Variants in MRRF observed in about 807,000 individuals in gnomAD.
MRRF encodes ribosome-recycling factor, mitochondrial.
A neutral mutation model predicts 25.1 loss-of-function variants in MRRF; 18 were observed. The observed-to-expected ratio is 0.72, with a 90% CI of 0.50 to 1.06. The LOEUF (loss-of-function observed/expected upper bound fraction) is 1.06. MRRF is among the 50% of genes least tolerant of loss of function. The pLI, the probability that MRRF is intolerant of heterozygous loss-of-function variation, is 0.00. For missense variants in MRRF, 323 were observed against 319.3 expected (o/e 1.01, Z -0.09); for synonymous variants, 113 against 112.1 (o/e 1.01, Z -0.05).
Position 122,322,877 on chromosome 9 carries a change from TTGA to T in MRRF, c.*263_*265del. On this transcript the variant is annotated 3_prime_UTR_variant, in exon 7 of 7. Coordinates refer to ENST00000344641, the MANE Select transcript of MRRF (RefSeq NM_138777.5). ...CCTGTACTCAGGCATTTGCTTTGAC[TTGA>T]TGTTGCCAAGGGACTGAGGCCATTG... is the stretch of plus-strand genomic sequence containing the variant. 1 of 562,834 alleles carries T rather than the reference TTGA, an allele frequency of 1.8e-6. No individual in the cohort carries two copies. Among genetic ancestry groups the T allele is most frequent in the South Asian group, 2.0e-5 (1 of 50,318 alleles). The allele number at this position is 562,834 out of a possible 1,614,324, so 34.9% of individuals were successfully genotyped here.
Position 122,323,727 on chromosome 9 carries a change from C to T in MRRF, c.*1110C>T, listed in dbSNP as rs1836019265. ...TTCTAGGCATTATTTATAATCTTGA[C>T]AGTAAACTTAAGAGATGTGTATTAT... On this transcript the variant is annotated 3_prime_UTR_variant, in exon 7 of 7. Transcript: ENST00000344641. 6.6e-6 allele frequency: 1 copy of T among 152,126 alleles called. No homozygotes were observed. The highest frequency in any genetic ancestry group is 2.4e-5 in the African/African-American group (1 of 41,414). The allele number at this position is 152,126 out of a possible 1,614,324, so 9.4% of individuals were successfully genotyped here. A position where few individuals can be genotyped will look rare whatever the true frequency, so the allele number is the denominator to read the frequency against.
chr9:122,296,349 AAT>A (rs2118843622), intron 5 of MRRF, among the ~76,000 whole-genome samples: 1 of 152,260 alleles, frequency 6.6e-6, no homozygotes, highest in African/African-American at 2.4e-5. Flanking sequence ...CTATTTTTCC[AAT>A]TCATGTAATT....
At chr9:122,318,605 T>C (rs2047200578) in intron 6 of MRRF, among the ~76,000 whole-genome samples, 1 of 152,250 alleles carries the variant, frequency 6.6e-6, no homozygotes, top group African/African-American at 2.4e-5. Context: ...GTGTACTCTG[T>C]GCTCCTGCCA....
chr9:122,266,997 GA>G (rs1832141570), intron 1 of MRRF, among the ~76,000 whole-genome samples: 1 of 151,598 alleles, frequency 6.6e-6, no homozygotes, highest in African/African-American at 2.4e-5. Flanking sequence ...TTGAACCCTG[GA>G]GGCGGAGGTT....
At position 122,326,484 on chromosome 9, in the gene MRRF, A is replaced by G. The variant is rs1251521185; in HGVS notation, c.*3867A>G. 1 of 152,070 alleles carries G rather than the reference A, an allele frequency of 6.6e-6. No individual in the cohort carries two copies. Among genetic ancestry groups the G allele is most frequent in the Non-Finnish European group, 1.5e-5 (1 of 68,014 alleles). The allele number at this position is 152,070 out of a possible 1,614,324, so 9.4% of individuals were successfully genotyped here. ...TGCTTTTTTTTCTTACCCTGTAACAATCATGGTCATCTGTCCATGTGTGTA... is the reference window on the plus strand; with the variant it reads ...TGCTTTTTTTTCTTACCCTGTAACAGTCATGGTCATCTGTCCATGTGTGTA... On this transcript the variant is annotated 3_prime_UTR_variant, in exon 7 of 7. Transcript: ENST00000344641.
At chr9:122,316,807 T>A (rs917252399) in intron 6 of MRRF, among the ~76,000 whole-genome samples, 9 of 151,352 alleles carry the variant, frequency 5.9e-5, no homozygotes, top group African/African-American at 2.2e-4. Context: ...GAATATTTCT[T>A]TTTTCCTTTT....
intron 6 of MRRF, among the ~76,000 whole-genome samples, chr9:122,318,628 G>C (rs1270659780): frequency 6.6e-6 from 1 of 152,198 alleles, no homozygotes; most frequent in Non-Finnish European, 1.5e-5. Context: ...CCCCTTCTCT[G>C]TCCCTGCCTT....
intron 5 of MRRF, among the ~76,000 whole-genome samples, chr9:122,310,605 G>A (rs990136654): frequency 9.8e-5 from 15 of 152,304 alleles, no homozygotes; most frequent in African/African-American, 3.6e-4. Flanking sequence ...CTCTTTCTAC[G>A]TAGTGGCTGA....
chr9:122,298,792 T>C (rs1292411584), intron 5 of MRRF, among the ~76,000 whole-genome samples: 1 of 152,104 alleles, frequency 6.6e-6, no homozygotes, highest in Non-Finnish European at 1.5e-5. Context: ...CACATATAGT[T>C]TGTATGTGTC....
At chr9:122,266,927 G>C (rs1832134978) in intron 1 of MRRF, among the ~76,000 whole-genome samples, 1 of 151,990 alleles carries the variant, frequency 6.6e-6, no homozygotes. Flanking sequence ...AAAATTAGCT[G>C]GGTGTGGTGG....
At chr9:122,294,324 G>T (rs1225647290) in intron 5 of MRRF, among the ~76,000 whole-genome samples, 2 of 152,206 alleles carry the variant, frequency 1.3e-5, no homozygotes, top group Non-Finnish European at 2.9e-5. Flanking sequence ...CATTTCTGCA[G>T]CCCCGCAAGA....
chr9:122,298,761 G>A (rs528059739), intron 5 of MRRF, among the ~76,000 whole-genome samples: 6 of 152,254 alleles, frequency 3.9e-5, no homozygotes, highest in African/African-American at 1.4e-4. Context: ...AACATTTACT[G>A]GGGAGATGGT....
chr9:122,300,119 A>T (rs892463125), intron 5 of MRRF, among the ~76,000 whole-genome samples: 1 of 152,140 alleles, frequency 6.6e-6, no homozygotes, highest in African/African-American at 2.4e-5. Flanking sequence ...AGCCAGGCTG[A>T]TGGGGCGTTC....
intron 4 of MRRF, among the ~76,000 whole-genome samples, chr9:122,289,873 C>A (rs1050272652): frequency 1.3e-5 from 2 of 151,494 alleles, no homozygotes; most frequent in Non-Finnish European, 2.9e-5. Context: ...ATAAAAAATA[C>A]AAAAATTAGC....
chr9:122,305,896 A>G (rs1834811087), intron 5 of MRRF, among the ~76,000 whole-genome samples: 1 of 152,204 alleles, frequency 6.6e-6, no homozygotes, highest in African/African-American at 2.4e-5. Context: ...GCAATAATGT[A>G]ATCATTGTTT....
chr9:122,282,988 TG>T (rs767117943), intron 3 of MRRF, among the ~76,000 whole-genome samples: 1 of 152,158 alleles, frequency 6.6e-6, no homozygotes, highest in Non-Finnish European at 1.5e-5. Context: ...AAACACAGAA[TG>T]TCAAGAAGTA....
intron 4 of MRRF, chr9:122,285,788 G>A (rs985814938): frequency 2.4e-6 from 3 of 1,274,950 alleles, no homozygotes; most frequent in Admixed American, 3.0e-5. Flanking sequence ...AGACTATGAA[G>A]CAAATAAAAC....
chr9:122,277,108 C>T (rs1164066374), intron 2 of MRRF, among the ~76,000 whole-genome samples: 2 of 152,184 alleles, frequency 1.3e-5, no homozygotes, highest in Non-Finnish European at 2.9e-5. Context: ...AATCTGCCCA[C>T]CTCAGCCCCA....
intron 3 of MRRF, among the ~76,000 whole-genome samples, 165 bp downstream of exon 3, chr9:122,280,763 T>G (rs549430922): frequency 2.6e-4 from 39 of 152,268 alleles, no homozygotes; most frequent in Admixed American, 2.0e-3. Context: ...AACTTACAGC[T>G]TTGGGGTGGT....
Sources: gnomAD v4.1 joint callset for allele counts (sites outside exome capture counted in the v4.1 genomes callset) on GRCh38, gnomAD v4.1.1 for gene constraint, MANE v1.5 for transcripts, NCBI Gene and HGNC (gene_info 2026-07-23, HGNC 2026-07-21) for gene names.